The following NGEF variants were observed in gnomAD, a reference collection of about 807,000 sequenced individuals.
NGEF encodes the protein neuronal guanine nucleotide exchange factor.
A neutral mutation model predicts 80.9 loss-of-function variants in NGEF; 31 were observed. The ratio of observed to expected loss-of-function variants is 0.38; its 90% CI spans 0.29 to 0.52. The LOEUF (loss-of-function observed/expected upper bound fraction) is 0.52, where lower values mean the gene tolerates loss of function less well. NGEF is among the 20% of genes least tolerant of loss of function. NGEF has a pLI of 0.84. For synonymous variants in NGEF, 371 were observed against 370.2 expected (o/e 1.00, Z -0.03); for missense variants, 709 against 926.2 (o/e 0.77, Z 3.04).
intron 1 of NGEF, among the ~76,000 whole-genome samples, chr2:232,976,096 G>A (rs1369908234): frequency 3.9e-5 from 6 of 152,134 alleles, no homozygotes; most frequent in African/African-American, 1.2e-4. Flanking sequence ...AGCTTCTCGG[G>A]AGGCTGAGGC....
At chr2:232,936,008 C>T (rs1244835505) in intron 3 of NGEF, among the ~76,000 whole-genome samples, 1 of 152,180 alleles carries the variant, frequency 6.6e-6, no homozygotes, top group Non-Finnish European at 1.5e-5. Context: ...GCAGAACCAG[C>T]AGTCGAACCA....
intron 3 of NGEF, chr2:232,928,074 T>C: frequency 8.8e-7 from 1 of 1,132,486 alleles, no homozygotes; most frequent in Non-Finnish European, 1.1e-6. Context: ...CGGGGGCGAC[T>C]AGCGGGCTGC....
At chr2:232,883,086 CACACGCACACACGTACACGCGT>C (rs1691566116) in intron 12 of NGEF, among the ~76,000 whole-genome samples, 1 of 152,118 alleles carries the variant, frequency 6.6e-6, no homozygotes, top group Admixed American at 6.5e-5. Context: ...CACACACGCA[CACACGCACACACGTACACGCGT>C]ACACGCATCC....
In NGEF at chr2:233,000,684, T is replaced by C. The variant is rs374394014; in HGVS notation, c.-75+12384A>G. ...CTGAGGCAGGAGAATGGCGTGAACC[T>C]GGGAGGCGGAGCTTGCAGTGAGCCG... On this transcript the variant is annotated intron_variant, in intron 1 of 14. Transcript: ENST00000264051. Among the ~76,000 whole-genome samples the C allele has an allele frequency of 1.7e-3, 259 of 148,516 alleles. 3 individuals carry two copies. Among genetic ancestry groups the C allele is most frequent in the African/African-American group, 5.6e-3 (225 of 40,126 alleles).
At chr2:232,921,390 G>T (rs377720535) in intron 4 of NGEF, among the ~76,000 whole-genome samples, 154 of 152,272 alleles carry the variant, frequency 1.0e-3, no homozygotes, top group African/African-American at 3.7e-3. Flanking sequence ...TGCCACAGAG[G>T]CAGGAGTCTA....
rs145061526 is a variant in NGEF at position 232,970,652 on chromosome 2, T to C, written c.269-324A>G. Among the ~76,000 whole-genome samples, 131 of 152,204 alleles carry C rather than the reference T, an allele frequency of 8.6e-4. 3 individuals are homozygous for C. In the East Asian group the frequency reaches 0.016, roughly 19 times the overall value. On this transcript the variant is annotated intron_variant, in intron 2 of 14. Transcript: ENST00000264051. Reference sequence around the variant, plus strand: ...CAACATGGTGAAACCCCGTCTCTACTAAAAATACAAAAATTAGCCGGGTGT... The same window carrying C: ...CAACATGGTGAAACCCCGTCTCTACCAAAAATACAAAAATTAGCCGGGTGT...
intron 1 of NGEF, among the ~76,000 whole-genome samples, chr2:233,008,352 G>A (rs112164097): frequency 0.021 from 3,165 of 152,270 alleles, 115 homozygotes; most frequent in African/African-American, 0.072. Context: ...TGGGCCCAGA[G>A]AGCAATTGCA....
intron 3 of NGEF, among the ~76,000 whole-genome samples, chr2:232,965,309 C>T (rs1559227131): frequency 6.6e-6 from 1 of 152,114 alleles, no homozygotes; most frequent in Non-Finnish European, 1.5e-5. Context: ...TGTATGAGAG[C>T]AAAATGGACT....
intron 5 of NGEF, among the ~76,000 whole-genome samples, chr2:232,897,438 T>C (rs1164321390): frequency 6.6e-6 from 1 of 152,104 alleles, no homozygotes; most frequent in African/African-American, 2.4e-5. Flanking sequence ...GAAAGTCACA[T>C]GGCTGGATGC....
intron 11 of NGEF, 67 bp downstream of exon 11, chr2:232,883,914 A>G (rs1428494865): frequency 1.4e-5 from 21 of 1,484,672 alleles, no homozygotes; most frequent in Non-Finnish European, 1.9e-5. Context: ...CCAGGCCACA[A>G]TCAAACCCAA....
chr2:232,968,540 G>C (rs1041964102), intron 3 of NGEF, among the ~76,000 whole-genome samples: 1 of 151,968 alleles, frequency 6.6e-6, no homozygotes, highest in Admixed American at 6.6e-5. Flanking sequence ...CAAGTCACTG[G>C]ACTACAGGCA....
chr2:232,942,732 C>T (rs894706907), intron 3 of NGEF, among the ~76,000 whole-genome samples: 3 of 148,522 alleles, frequency 2.0e-5, no homozygotes, highest in African/African-American at 7.4e-5. Flanking sequence ...AAAATTAGCG[C>T]GTGGAGGCGC....
intron 9 of NGEF, among the ~76,000 whole-genome samples, chr2:232,885,777 G>GA (rs1185252333): frequency 6.6e-6 from 1 of 152,144 alleles, no homozygotes; most frequent in African/African-American, 2.4e-5. Context: ...GACTCGTTCT[G>GA]AAGGAAGACA....
intron 3 of NGEF, among the ~76,000 whole-genome samples, chr2:232,947,045 G>T (rs755276106): frequency 1.3e-5 from 2 of 152,140 alleles, no homozygotes; most frequent in Non-Finnish European, 2.9e-5. Flanking sequence ...GATTGATAAT[G>T]GATGTTAAAA....
At chr2:232,894,569 G>A (rs1691994049) in intron 6 of NGEF, 187 bp downstream of exon 6, 7 of 554,264 alleles carry the variant, frequency 1.3e-5, no homozygotes, top group Non-Finnish European at 2.0e-5. Context: ...GACGTGACTG[G>A]CCACCCTGCC....
chr2:232,928,100 C>T (rs1693125166), intron 3 of NGEF: 6 of 1,066,544 alleles, frequency 5.6e-6, no homozygotes, highest in Admixed American at 5.5e-5. Flanking sequence ...GGGGTCGCAG[C>T]GCGCGCGGCT....
Position 232,879,420 on chromosome 2 carries a change from G to GCCCCCCCC in NGEF, c.*61_*68dup, listed in dbSNP as rs67252740. The GCCCCCCCC allele has an allele frequency of 5.5e-5, 68 of 1,231,354 alleles. 1 individual carries two copies. In the South Asian group the frequency reaches 8.0e-4, roughly 14 times the overall value. The allele number at this position is 1,231,354 out of a possible 1,614,324, so 76.3% of individuals were successfully genotyped here. A position where few individuals can be genotyped will look rare whatever the true frequency, so the allele number is the denominator to read the frequency against. ...GAGGTGCTGGCCTGTGCTTCCCAGA[G>GCCCCCCCC]CCCCCCCCCCCCCACCTTCTGTCGG... On this transcript the variant is annotated 3_prime_UTR_variant, in exon 15 of 15. Coordinates refer to ENST00000264051, the MANE Select transcript of NGEF (RefSeq NM_019850.3).
At chr2:232,927,553 G>A (rs1470520581) in intron 3 of NGEF, among the ~76,000 whole-genome samples, 1 of 152,080 alleles carries the variant, frequency 6.6e-6, no homozygotes. Flanking sequence ...GCCGTCACTC[G>A]ACCCCCGGCC....
chr2:232,995,056 A>ATGTACAGTATGTATACTGTATATT lies in NGEF; in HGVS notation c.-75+18011_-75+18012insAATATACAGTATACATACTGTACA, dbSNP rs1559239314. Among the ~76,000 whole-genome samples the ATGTACAGTATGTATACTGTATATT allele has an allele frequency of 3.7e-4, 29 of 78,268 alleles. 12 individuals carry two copies. The highest frequency in any genetic ancestry group is 1.6e-3 in the African/African-American group (29 of 18,002). 51.3% of individuals were successfully genotyped at this position (78,268 alleles called of 152,430 possible). A position where few individuals can be genotyped will look rare whatever the true frequency, so the allele number is the denominator to read the frequency against. On this transcript the variant is annotated intron_variant, in intron 1 of 14. Transcript: ENST00000264051. Reference sequence around the variant, plus strand: ...TATGTACAGTATGTATACTGTATATATGTACAGTATGTATACTGTATATGT... The same window carrying ATGTACAGTATGTATACTGTATATT: ...TATGTACAGTATGTATACTGTATATATGTACAGTATGTATACTGTATATTTGTACAGTATGTATACTGTATATGT...
Sources: allele counts gnomAD v4.1 joint callset (sites outside exome capture counted in the v4.1 genomes callset), GRCh38; gene constraint gnomAD v4.1.1; transcripts MANE v1.5; gene names NCBI Gene and HGNC (gene_info 2026-07-23, HGNC 2026-07-21).